Variants in FMNL2 observed in about 807,000 individuals in gnomAD.
FMNL2 encodes the protein formin-like protein 2.
In FMNL2, 51 loss-of-function variants were observed where a neutral mutation model predicts 130.2. That is an observed-to-expected ratio of 0.39 (90% CI 0.31 to 0.49). The LOEUF is 0.49. Among genes scored for constraint, FMNL2 ranks in the 20% least tolerant of loss-of-function variants. FMNL2 has a pLI of 0.85. For missense variants in FMNL2, 977 were observed against 1,316.2 expected, an observed-to-expected ratio of 0.74 and a Z score of 3.99; for synonymous variants, 465 against 467.1, an observed-to-expected ratio of 1.00 and a Z score of 0.06.
At chr2:152,401,623 T>G (rs1468863672) in intron 1 of FMNL2, among the ~76,000 whole-genome samples, 1 of 152,180 alleles carries the variant, frequency 6.6e-6, no homozygotes, top group Non-Finnish European at 1.5e-5. Context: ...AAATCTTTAT[T>G]TAGAGATTGG....
At chr2:152,507,098 T>C (rs1275834268) in intron 1 of FMNL2, among the ~76,000 whole-genome samples, 2 of 152,232 alleles carry the variant, frequency 1.3e-5, no homozygotes, top group African/African-American at 4.8e-5. Flanking sequence ...TAGTGGCTTG[T>C]GCGGTCTCTG....
intron 1 of FMNL2, among the ~76,000 whole-genome samples, chr2:152,448,885 G>C (rs2105055704): frequency 6.6e-6 from 1 of 152,284 alleles, no homozygotes; most frequent in Admixed American, 6.5e-5. Context: ...TCATGCTCTT[G>C]TCCCTTGAAG....
At chr2:152,532,611 ATTT>A (rs58777501) in intron 2 of FMNL2, among the ~76,000 whole-genome samples, 1 of 136,974 alleles carries the variant, frequency 7.3e-6, no homozygotes, top group Non-Finnish European at 1.6e-5. Context: ...TTTTTTTCTT[ATTT>A]TTTTTTTTTT....
rs1425780871 is a variant in FMNL2 at position 152,409,479 on chromosome 2, T to G, written c.117+73759T>G. The stretch of plus-strand genomic sequence containing the variant: ...GGAGGTCAGGAGCAGAGAGTTAGTT[T>G]CCCTGACTGGGGGAAGTTAAGGAAA... On this transcript the variant is annotated intron_variant, in intron 1 of 25. Coordinates refer to ENST00000288670, the MANE Select transcript of FMNL2 (RefSeq NM_052905.4). 4.6e-5 allele frequency among the ~76,000 whole-genome samples: 7 copies of G among 152,296 alleles called. No homozygotes were observed. In the East Asian group the frequency reaches 1.2e-3, roughly 25 times the overall value.
intron 1 of FMNL2, among the ~76,000 whole-genome samples, chr2:152,409,015 G>T (rs73012774): frequency 6.6e-6 from 1 of 152,042 alleles, no homozygotes; most frequent in Non-Finnish European, 1.5e-5. Flanking sequence ...GAAGTTTCCT[G>T]GTTAAGAGGG....
chr2:152,481,538 A>G (rs1690524875), intron 1 of FMNL2, among the ~76,000 whole-genome samples: 1 of 152,160 alleles, frequency 6.6e-6, no homozygotes, highest in Non-Finnish European at 1.5e-5. Flanking sequence ...TTCTGATTTA[A>G]TTTGTTTGGG....
intron 1 of FMNL2, among the ~76,000 whole-genome samples, chr2:152,450,775 G>C (rs898456067): frequency 1.3e-4 from 20 of 152,140 alleles, no homozygotes; most frequent in Non-Finnish European, 7.3e-5. Flanking sequence ...TCCTGCCCAA[G>C]CTCTCACAAA....
intron 6 of FMNL2, among the ~76,000 whole-genome samples, chr2:152,565,678 A>C (rs1454693284): frequency 1.3e-5 from 2 of 152,208 alleles, no homozygotes; most frequent in Non-Finnish European, 2.9e-5. Flanking sequence ...TTTCTTTAAA[A>C]ACAACACCAA....
intron 1 of FMNL2, among the ~76,000 whole-genome samples, chr2:152,336,515 C>T (rs1681459300): frequency 6.6e-6 from 1 of 152,206 alleles, no homozygotes; most frequent in Non-Finnish European, 1.5e-5. Context: ...TCCTGCATTC[C>T]GCTTCTCCCA....
intron 1 of FMNL2, among the ~76,000 whole-genome samples, chr2:152,436,705 T>C (rs529289292): frequency 6.6e-6 from 1 of 152,256 alleles, no homozygotes; most frequent in Admixed American, 6.5e-5. Flanking sequence ...CTTCCTCCAG[T>C]GTTTCTGGTA....
intron 1 of FMNL2, among the ~76,000 whole-genome samples, chr2:152,409,770 C>A (rs1299917922): frequency 6.6e-6 from 1 of 152,140 alleles, no homozygotes; most frequent in African/African-American, 2.4e-5. Context: ...TCCTTACAGT[C>A]ACCATTTTCA....
At chr2:152,577,121 G>C (rs1696521193) in intron 7 of FMNL2, among the ~76,000 whole-genome samples, 1 of 152,140 alleles carries the variant, frequency 6.6e-6, no homozygotes, top group South Asian at 2.1e-4. Context: ...ATTTAGGTGA[G>C]CTTTGGTGGT....
intron 1 of FMNL2, among the ~76,000 whole-genome samples, chr2:152,487,497 A>G (rs1363728864): frequency 2.6e-5 from 4 of 152,252 alleles, no homozygotes; most frequent in Non-Finnish European, 4.4e-5. Context: ...TATCAATGAT[A>G]TCGGCGAAAA....
chr2:152,401,326 C>A (rs992946782), intron 1 of FMNL2, among the ~76,000 whole-genome samples: 9 of 152,108 alleles, frequency 5.9e-5, no homozygotes, highest in African/African-American at 2.2e-4. Context: ...AATAAAGGTC[C>A]CTAAAAGTTC....
chr2:152,473,496 G>A (rs1689965011), intron 1 of FMNL2, among the ~76,000 whole-genome samples: 1 of 152,190 alleles, frequency 6.6e-6, no homozygotes, highest in Non-Finnish European at 1.5e-5. Context: ...ATAGATCTCT[G>A]TTTTTCATGG....
At chr2:152,646,169 AAC>A (rs1491138378) in intron 25 of FMNL2, among the ~76,000 whole-genome samples, 51 of 138,386 alleles carry the variant, frequency 3.7e-4, no homozygotes, top group African/African-American at 9.4e-4. Context: ...AAAAAAAAAA[AAC>A]AAACAAACAA....
At chr2:152,624,188 G>A (rs375194017) in intron 15 of FMNL2, among the ~76,000 whole-genome samples, 10 of 147,988 alleles carry the variant, frequency 6.8e-5, no homozygotes, top group Non-Finnish European at 1.2e-4. Context: ...ATGGAGTTTC[G>A]CTCTTGTTAC....
At chr2:152,441,545 G>C (rs186407605) in intron 1 of FMNL2, among the ~76,000 whole-genome samples, 20 of 149,292 alleles carry the variant, frequency 1.3e-4, no homozygotes, top group African/African-American at 4.9e-4. Context: ...CTTAAAAATG[G>C]GGGACAGGAG....
chr2:152,436,019 T>C (rs1687743570), intron 1 of FMNL2, among the ~76,000 whole-genome samples: 1 of 149,056 alleles, frequency 6.7e-6, no homozygotes, highest in Non-Finnish European at 1.5e-5. Context: ...AAAACATTGT[T>C]TATACCACTA....
Sources: allele counts gnomAD v4.1 joint callset (sites outside exome capture counted in the v4.1 genomes callset), GRCh38; gene constraint gnomAD v4.1.1; transcripts MANE v1.5; gene names NCBI Gene and HGNC (gene_info 2026-07-23, HGNC 2026-07-21).